The following GFI1B variants were observed in gnomAD, a reference collection of about 807,000 sequenced individuals.
The protein encoded by GFI1B is zinc finger protein Gfi-1b.
GFI1B carries 20 observed loss-of-function variants against 35.3 expected under a neutral mutation model. The ratio of observed to expected loss-of-function variants is 0.57; its 90% CI spans 0.40 to 0.82. The LOEUF is 0.82. Ranked by LOEUF, GFI1B falls within the 40% of genes least tolerant of loss-of-function variation. The pLI, the probability that GFI1B is intolerant of heterozygous loss-of-function variation, is 0.00. For synonymous variants in GFI1B, 178 were observed against 177.6 expected, an observed-to-expected ratio of 1.00 and a Z score of -0.02; for missense variants, 430 against 446.3, an observed-to-expected ratio of 0.96 and a Z score of 0.33.
intron 1 of GFI1B, among the ~76,000 whole-genome samples, chr9:132,984,867 C>CTG (rs1406320160): frequency 6.6e-6 from 1 of 152,174 alleles, no homozygotes; most frequent in Non-Finnish European, 1.5e-5. Context: ...TTCTGCCTGG[C>CTG]TGTGGTTCAT....
chr9:132,957,226 G>A (rs1384380399), intron 1 of GFI1B, among the ~76,000 whole-genome samples: 4 of 152,200 alleles, frequency 2.6e-5, no homozygotes, highest in South Asian at 2.1e-4. Flanking sequence ...GCACACAAAC[G>A]TGCATGGCTT....
chr9:132,950,279 A>G (rs1848181037), intron 1 of GFI1B, among the ~76,000 whole-genome samples: 1 of 151,974 alleles, frequency 6.6e-6, no homozygotes, highest in Non-Finnish European at 1.5e-5. Flanking sequence ...CTCAACTCCA[A>G]TGTGATCTCC....
At chr9:132,969,832 C>G (rs932343995) in intron 1 of GFI1B, among the ~76,000 whole-genome samples, 21 of 152,214 alleles carry the variant, frequency 1.4e-4, no homozygotes, top group African/African-American at 5.1e-4. Flanking sequence ...AAAGGAACCT[C>G]TTTTCATCAC....
downstream of GFI1B, among the ~76,000 whole-genome samples, chr9:132,992,616 T>C (rs1270959515): frequency 6.6e-6 from 1 of 152,096 alleles, no homozygotes; most frequent in Admixed American, 6.6e-5. Context: ...CTTTTTGAAG[T>C]CCTGTCCATC....
intron 1 of GFI1B, among the ~76,000 whole-genome samples, chr9:132,967,202 C>G (rs1456361816): frequency 6.6e-6 from 1 of 152,194 alleles, no homozygotes; most frequent in Non-Finnish European, 1.5e-5. Context: ...CAAAAGCCCT[C>G]ACCAGATGTG....
At position 132,950,200 on chromosome 9, in the gene GFI1B, A is replaced by G. The variant is rs116830632; in HGVS notation, c.-701+4531A>G. On this transcript the variant is annotated intron_variant, in intron 1 of 10. Coordinates refer to the GFI1B transcript ENST00000339463. ...TCTGTTCCTGACAACCAACACCACC[A>G]TCGAGGCTGGAGATGGCCAAACATG... Among the ~76,000 whole-genome samples, 446 of 152,250 alleles carry G rather than the reference A, an allele frequency of 2.9e-3. 4 individuals carry two copies. The highest frequency in any genetic ancestry group is 8.9e-3 in the African/African-American group (370 of 41,534).
At chr9:132,962,796 C>T (rs1008161795) in intron 1 of GFI1B, 6 of 259,460 alleles carry the variant, frequency 2.3e-5, no homozygotes, top group East Asian at 1.3e-4. Context: ...TTTGACAAGG[C>T]GCAATGGCTC....
intron 1 of GFI1B, among the ~76,000 whole-genome samples, chr9:132,984,325 G>T (rs1265534084): frequency 2.6e-5 from 4 of 152,068 alleles, no homozygotes; most frequent in Admixed American, 2.0e-4. Context: ...GGTGTGGGGA[G>T]CCCTGGTGAG....
At chr9:132,984,688 T>C (rs1340097208) in intron 1 of GFI1B, among the ~76,000 whole-genome samples, 1 of 152,138 alleles carries the variant, frequency 6.6e-6, no homozygotes, top group Non-Finnish European at 1.5e-5. Flanking sequence ...TGTGGTTGGA[T>C]TGGGATCCCC....
At chr9:132,976,113 C>G (rs1006516530), upstream of GFI1B, among the ~76,000 whole-genome samples, 7 of 152,188 alleles carry the variant, frequency 4.6e-5, no homozygotes, top group Non-Finnish European at 5.9e-5. Context: ...AATCTTAGAA[C>G]AGCAGTTGAA....
chr9:132,945,600 TGA>T lies in GFI1B; in HGVS notation c.-766_-765del, dbSNP rs1401865212. 27 of 154,128 alleles carry T rather than the reference TGA, an allele frequency of 1.8e-4. No individual in the cohort carries two copies. In the Admixed American group the frequency reaches 1.8e-3, roughly 10 times the overall value. The allele number at this position is 154,128 out of a possible 1,614,324, so 9.5% of individuals were successfully genotyped here. Reference sequence around the variant, plus strand: ...CATCCAGCACGAACACAAAGCCCTGTGAGAGGAGGCAGAGTGAGATGAAGTCG... The same window carrying T: ...CATCCAGCACGAACACAAAGCCCTGTGAGGAGGCAGAGTGAGATGAAGTCG... On this transcript the variant is annotated 5_prime_UTR_variant, in exon 1 of 11. Coordinates refer to the GFI1B transcript ENST00000339463.
intron 1 of GFI1B, among the ~76,000 whole-genome samples, chr9:132,960,875 C>A (rs1054061528): frequency 4.6e-5 from 7 of 151,874 alleles, no homozygotes; most frequent in African/African-American, 1.7e-4. Flanking sequence ...CCTGATCACG[C>A]CTCTACACAC....
At chr9:132,960,928 G>T (rs1486600514) in intron 1 of GFI1B, among the ~76,000 whole-genome samples, 1 of 152,042 alleles carries the variant, frequency 6.6e-6, no homozygotes, top group African/African-American at 2.4e-5. Context: ...GCAGCGTGTT[G>T]GATGTTAAAG....
At chr9:132,954,023 T>C (rs572440472) in intron 1 of GFI1B, among the ~76,000 whole-genome samples, 19 of 152,326 alleles carry the variant, frequency 1.2e-4, no homozygotes, top group African/African-American at 4.6e-4. Context: ...TCATAAATTT[T>C]ACTTCTACAT....
intron 1 of GFI1B, among the ~76,000 whole-genome samples, chr9:132,966,767 G>T (rs1848456945): frequency 6.6e-6 from 1 of 152,178 alleles, no homozygotes. Context: ...ACTAAGGTGG[G>T]ACAACCTACT....
intron 1 of GFI1B, among the ~76,000 whole-genome samples, chr9:132,979,842 G>C (rs1219767676): frequency 6.6e-6 from 1 of 152,148 alleles, no homozygotes; most frequent in Non-Finnish European, 1.5e-5. Flanking sequence ...ACATTTTTCC[G>C]GGGAGAAAGT....
chr9:132,946,184 A>G (rs1034580543), intron 1 of GFI1B, among the ~76,000 whole-genome samples: 2 of 152,176 alleles, frequency 1.3e-5, no homozygotes, highest in Non-Finnish European at 2.9e-5. Flanking sequence ...AATTGAACTG[A>G]TGATTCCTCT....
chr9:132,987,227 T>C, intron 2 of GFI1B, 55 bp from the exon 3 acceptor site: 2 of 1,589,760 alleles, frequency 1.3e-6, no homozygotes, highest in Non-Finnish European at 1.7e-6. Flanking sequence ...CCTTGCTCCC[T>C]CTGGGCTTCC....
At chr9:132,974,249 C>T (rs568761190), upstream of GFI1B, among the ~76,000 whole-genome samples, 26 of 152,308 alleles carry the variant, frequency 1.7e-4, no homozygotes, top group South Asian at 5.4e-3. Context: ...AGTTCCTGCT[C>T]TTGTAGCATG....
Sources: allele counts gnomAD v4.1 joint callset (sites outside exome capture counted in the v4.1 genomes callset), GRCh38; gene constraint gnomAD v4.1.1; transcripts MANE v1.5; gene names NCBI Gene and HGNC (gene_info 2026-07-23, HGNC 2026-07-21).